Variants in SPSB1 observed in about 807,000 individuals in gnomAD.
SPSB1 encodes the protein SPRY domain-containing SOCS box protein 1.
In SPSB1, 8 loss-of-function variants were observed where a neutral mutation model predicts 21.2. The ratio of observed to expected loss-of-function variants is 0.38; its 90% CI spans 0.22 to 0.68. The LOEUF (loss-of-function observed/expected upper bound fraction) is 0.68. Ranked by LOEUF, SPSB1 falls within the 30% of genes least tolerant of loss-of-function variation. The pLI, the probability that SPSB1 is intolerant of heterozygous loss-of-function variation, is 0.53. For synonymous variants in SPSB1, 169 were observed against 161.7 expected (o/e 1.05, Z -0.34); for missense variants, 242 against 377.8 (o/e 0.64, Z 2.98).
At chr1:9,316,306 G>A (rs968370356) in intron 1 of SPSB1, among the ~76,000 whole-genome samples, 3 of 152,188 alleles carry the variant, frequency 2.0e-5, no homozygotes, top group Admixed American at 6.5e-5. Context: ...TTGGAGATGG[G>A]GGCGTCCCTT....
intron 1 of SPSB1, among the ~76,000 whole-genome samples, chr1:9,319,866 G>A (rs1311020935): frequency 6.6e-6 from 1 of 151,984 alleles, no homozygotes; most frequent in Non-Finnish European, 1.5e-5. Context: ...CCAGCCAGTC[G>A]CCACCTGGCT....
chr1:9,347,943 CTT>C lies in SPSB1; in HGVS notation c.-149-7781_-149-7780del, dbSNP rs57731582. ...CACCTTCTTTGCAGTTTCCCTGCAA[CTT>C]TTTTTTTTTTTTTTTTTTAAACAGA... On this transcript the variant is annotated intron_variant, in intron 1 of 2. Transcript: ENST00000328089. Among the ~76,000 whole-genome samples the C allele has an allele frequency of 5.8e-3, 766 of 132,366 alleles. 8 individuals carry two copies. Among genetic ancestry groups the C allele is most frequent in the African/African-American group, 0.014 (488 of 36,050 alleles). 86.8% of individuals were successfully genotyped at this position (132,366 alleles called of 152,430 possible).
At chr1:9,299,309 G>A (rs532605441) in intron 1 of SPSB1, among the ~76,000 whole-genome samples, 1 of 152,302 alleles carries the variant, frequency 6.6e-6, no homozygotes, top group African/African-American at 2.4e-5. Flanking sequence ...TCACAGTTTA[G>A]TTCACAGTCA....
intron 1 of SPSB1, among the ~76,000 whole-genome samples, chr1:9,318,916 G>A (rs1273111786): frequency 2.0e-5 from 3 of 152,170 alleles, no homozygotes; most frequent in East Asian, 1.9e-4. Flanking sequence ...AGGGCCGGGC[G>A]CAGTGGCTCA....
At chr1:9,352,772 T>C (rs928056150) in intron 1 of SPSB1, among the ~76,000 whole-genome samples, 3 of 150,880 alleles carry the variant, frequency 2.0e-5, no homozygotes, top group Admixed American at 6.6e-5. Context: ...TTATGGTCCC[T>C]CCTGGCATTT....
chr1:9,350,057 T>C (rs1640231753), intron 1 of SPSB1, among the ~76,000 whole-genome samples: 1 of 151,108 alleles, frequency 6.6e-6, no homozygotes, highest in South Asian at 2.1e-4. Context: ...TATACACACA[T>C]CCAGACACAC....
intron 1 of SPSB1, among the ~76,000 whole-genome samples, chr1:9,308,871 C>T (rs899545580): frequency 6.6e-6 from 1 of 152,094 alleles, no homozygotes; most frequent in Non-Finnish European, 1.5e-5. Flanking sequence ...TGGGCACCTG[C>T]TATTGCCAAG....
At chr1:9,315,722 G>C (rs923964744) in intron 1 of SPSB1, among the ~76,000 whole-genome samples, 3 of 152,224 alleles carry the variant, frequency 2.0e-5, no homozygotes, top group African/African-American at 7.2e-5. Context: ...GGAGTTGGTG[G>C]GGGGCCTCAG....
intron 2 of SPSB1, among the ~76,000 whole-genome samples, chr1:9,361,122 G>A: frequency 6.6e-6 from 1 of 151,198 alleles, no homozygotes; most frequent in South Asian, 2.1e-4. Flanking sequence ...GACAGATGGA[G>A]GCTCTGGCCA....
At chr1:9,304,852 T>C (rs1027428208) in intron 1 of SPSB1, among the ~76,000 whole-genome samples, 1 of 152,138 alleles carries the variant, frequency 6.6e-6, no homozygotes, top group East Asian at 1.9e-4. Flanking sequence ...TTTAAATTTC[T>C]CACAAAGACG....
intron 1 of SPSB1, among the ~76,000 whole-genome samples, chr1:9,349,448 G>A (rs767062603): frequency 1.1e-4 from 16 of 152,260 alleles, no homozygotes; most frequent in Non-Finnish European, 2.2e-4. Context: ...TGTCCCAGCT[G>A]AGCTCAACCA....
At chr1:9,298,915 C>A (rs1433632975) in intron 1 of SPSB1, among the ~76,000 whole-genome samples, 1 of 152,196 alleles carries the variant, frequency 6.6e-6, no homozygotes, top group African/African-American at 2.4e-5. Flanking sequence ...TTAGCGTTGC[C>A]TCTGCCTGGG....
chr1:9,354,525 T>G (rs1640330190), intron 1 of SPSB1, among the ~76,000 whole-genome samples: 1 of 152,100 alleles, frequency 6.6e-6, no homozygotes, highest in African/African-American at 2.4e-5. Context: ...AATCTTCTGC[T>G]GCCTTATCCT....
intron 1 of SPSB1, among the ~76,000 whole-genome samples, chr1:9,330,335 G>A (rs997272392): frequency 3.9e-5 from 6 of 152,154 alleles, no homozygotes; most frequent in Non-Finnish European, 8.8e-5. Context: ...TTAGTCGGGC[G>A]TGGTGGTGCA....
chr1:9,311,827 T>TG (rs569515848), intron 1 of SPSB1, among the ~76,000 whole-genome samples: 3 of 152,178 alleles, frequency 2.0e-5, no homozygotes, highest in South Asian at 2.1e-4. Context: ...GGTGCATCCC[T>TG]GGGGGGTATG....
chr1:9,362,533 T>C (rs1473018276), intron 2 of SPSB1, among the ~76,000 whole-genome samples: 16 of 152,246 alleles, frequency 1.1e-4, no homozygotes, highest in Admixed American at 1.0e-3. Context: ...ACAGGAGCCA[T>C]GACAGCTGTC....
chr1:9,314,137 C>T (rs570188746), intron 1 of SPSB1, among the ~76,000 whole-genome samples: 1 of 150,584 alleles, frequency 6.6e-6, no homozygotes, highest in Non-Finnish European at 1.5e-5. Context: ...GATCGCACTA[C>T]TGCACTCCAG....
intron 1 of SPSB1, among the ~76,000 whole-genome samples, chr1:9,340,390 A>G (rs1640071496): frequency 2.0e-5 from 3 of 152,084 alleles, no homozygotes; most frequent in Non-Finnish European, 2.9e-5. Context: ...ATTAAACCTC[A>G]GTGATTCACT....
rs1025472803 is a variant in SPSB1 at position 9,345,601 on chromosome 1, A to G, written c.-149-10142A>G. Among the ~76,000 whole-genome samples, 7 of 152,070 alleles carry G rather than the reference A, an allele frequency of 4.6e-5. No individual in the cohort carries two copies. Among genetic ancestry groups the G allele is most frequent in the African/African-American group, 1.7e-4 (7 of 41,392 alleles). On this transcript the variant is annotated intron_variant, in intron 1 of 2. Transcript: ENST00000328089. This position sits in a 1 kb window ranked among gnomAD's most constrained non-coding sequence, Gnocchi z 4.8. ...ACCCTGACTAAGCTACAGCTGCGATATATTGTAATTTTCAGTCTGTTTGAC... is the reference window on the plus strand; with the variant it reads ...ACCCTGACTAAGCTACAGCTGCGATGTATTGTAATTTTCAGTCTGTTTGAC...
Sources: gnomAD v4.1 joint callset for allele counts (sites outside exome capture counted in the v4.1 genomes callset) on GRCh38, gnomAD v4.1.1 for gene constraint, Gnocchi (gnomAD v3.1) non-coding constraint, MANE v1.5 for transcripts, NCBI Gene and HGNC (gene_info 2026-07-23, HGNC 2026-07-21) for gene names.